AGK: variants seen among roughly 807,000 people sequenced by gnomAD.
The protein encoded by AGK is acylglycerol kinase, mitochondrial.
AGK carries 52 observed loss-of-function variants against 66.4 expected under a neutral mutation model. The observed-to-expected ratio is 0.78, with a 90% CI of 0.63 to 0.99. AGK has a LOEUF of 0.99. Among genes scored for constraint, AGK ranks in the 50% least tolerant of loss-of-function variants. The pLI is 0.00. For synonymous variants in AGK, 182 were observed against 181.1 expected, an observed-to-expected ratio of 1.00 and a Z score of -0.04; for missense variants, 451 against 506.6, an observed-to-expected ratio of 0.89 and a Z score of 1.05.
chr7:141,643,972 C>G (rs1797347765), intron 13 of AGK, among the ~76,000 whole-genome samples: 1 of 151,942 alleles, frequency 6.6e-6, no homozygotes, highest in African/African-American at 2.4e-5. Flanking sequence ...ACCTTCTGCC[C>G]TATTAACTGT....
intron 5 of AGK, among the ~76,000 whole-genome samples, chr7:141,607,826 G>A (rs1197516422): frequency 2.0e-5 from 3 of 151,858 alleles, no homozygotes; most frequent in Non-Finnish European, 2.9e-5. Flanking sequence ...TTTTTTCTGG[G>A]AGGGGGCAAC....
chr7:141,561,488 AT>A (rs1246027359), intron 2 of AGK, among the ~76,000 whole-genome samples: 1 of 144,948 alleles, frequency 6.9e-6, no homozygotes, highest in East Asian at 2.0e-4. Flanking sequence ...GTATCTCATT[AT>A]TTTTTTTAAT....
In AGK at chr7:141,641,349, C is replaced by T. The variant is rs1271682464; in HGVS notation, c.828C>T (p.Tyr276=). ...EETPVQRPSL[Y]RRILRRLASY... is the part of the protein sequence containing the mutation. Reference sequence around the variant, plus strand: ...CCCCTGTACAAAGGCCTTCTTTGTACAGGAGAATATTACGAAGGCTTGCGT... The same window carrying T: ...CCCCTGTACAAAGGCCTTCTTTGTATAGGAGAATATTACGAAGGCTTGCGT... Residue 276 remains tyrosine, a synonymous_variant, in exon 12 of 16, where the codon TAC becomes TAT. Transcript: ENST00000649286. 1.2e-6 allele frequency: 2 copies of T among 1,613,796 alleles called. No individual in the cohort carries two copies. Among genetic ancestry groups the T allele is most frequent in the Non-Finnish European group, 1.7e-6 (2 of 1,179,886 alleles).
intron 8 of AGK, 103 bp from the exon 9 acceptor site, chr7:141,621,629 A>G: frequency 1.3e-6 from 1 of 764,264 alleles, no homozygotes; most frequent in Non-Finnish European, 2.3e-6. Context: ...AGAATGAGAG[A>G]GAATATGTGT....
chr7:141,592,210 A>G (rs1049680919), intron 2 of AGK, among the ~76,000 whole-genome samples: 33 of 152,192 alleles, frequency 2.2e-4, no homozygotes, highest in African/African-American at 7.5e-4. Context: ...TGTGAATTAG[A>G]GGCCCAAAGC....
chr7:141,588,203 GA>G (rs954488176), intron 2 of AGK, among the ~76,000 whole-genome samples: 1 of 152,176 alleles, frequency 6.6e-6, no homozygotes, highest in African/African-American at 2.4e-5. Flanking sequence ...AAGTTTAGAA[GA>G]AAAAGCATCT....
intron 5 of AGK, among the ~76,000 whole-genome samples, chr7:141,610,497 A>G (rs1053200747): frequency 6.6e-6 from 1 of 152,190 alleles, no homozygotes; most frequent in Non-Finnish European, 1.5e-5. Context: ...CTGAAATCAA[A>G]TGGTATCAAT....
At chr7:141,554,001 TAA>T (rs2116841118) in intron 1 of AGK, among the ~76,000 whole-genome samples, 1 of 152,206 alleles carries the variant, frequency 6.6e-6, no homozygotes, top group Non-Finnish European at 1.5e-5. Flanking sequence ...ATTTTAAAAA[TAA>T]ACATCACCCA....
intron 6 of AGK, among the ~76,000 whole-genome samples, chr7:141,612,428 AT>A (rs964709274): frequency 1.3e-5 from 2 of 152,188 alleles, no homozygotes; most frequent in Non-Finnish European, 2.9e-5. Context: ...TTTAACACAA[AT>A]TTTTTGTGTG....
rs1441473071 is a variant in AGK at position 141,651,531 on chromosome 7, A to C, written c.1053A>C (p.Arg351=). 8 of 1,614,200 alleles carry C rather than the reference A, an allele frequency of 5.0e-6. No homozygotes were observed. Among genetic ancestry groups the C allele is most frequent in the Non-Finnish European group, 5.9e-6 (7 of 1,180,018 alleles). ...SKGDFITIGS[R]KVRNPKLHVE... The stretch of plus-strand genomic sequence containing the variant: ...CTTTTTCCTGTGCTCACAGAAGTCG[A>C]AAGGTGAGAAACCCCAAGCTGCACG... The change falls in exon 15 of 16, where the codon CGA becomes CGC. Residue 351 remains arginine, a synonymous_variant. Transcript: ENST00000649286.
chr7:141,631,467 C>T (rs1342558273), intron 9 of AGK, among the ~76,000 whole-genome samples: 1 of 152,210 alleles, frequency 6.6e-6, no homozygotes, highest in Non-Finnish European at 1.5e-5. Flanking sequence ...TAAATGATCA[C>T]TTATACTTTG....
At chr7:141,603,087 C>T (rs890692614) in intron 5 of AGK, among the ~76,000 whole-genome samples, 1 of 152,000 alleles carries the variant, frequency 6.6e-6, no homozygotes, top group Non-Finnish European at 1.5e-5. Context: ...GTATCTATGC[C>T]TAAAAATAGT....
chr7:141,652,736 C>T, intron 15 of AGK, 51 bp from the exon 16 acceptor site: 2 of 1,595,880 alleles, frequency 1.3e-6, no homozygotes, highest in Non-Finnish European at 8.6e-7. Context: ...CCTCCAACTC[C>T]AGTAGGCCAC....
At chr7:141,623,968 G>A (rs942913170) in intron 9 of AGK, among the ~76,000 whole-genome samples, 3 of 151,854 alleles carry the variant, frequency 2.0e-5, no homozygotes, top group Non-Finnish European at 4.4e-5. Context: ...TACTCTGCTT[G>A]TGCTGTATAA....
chr7:141,562,145 G>A (rs1490516833), intron 2 of AGK: 4 of 454,934 alleles, frequency 8.8e-6, no homozygotes, highest in African/African-American at 4.0e-5. Flanking sequence ...TGCTGGTTAT[G>A]CAAGCGGTGA....
chr7:141,555,381 G>C lies in AGK; in HGVS notation c.-14-72G>C. On this transcript the variant is annotated intron_variant, in intron 1 of 15. Transcript: ENST00000649286. The surrounding 1 kb of genome is among the most constrained non-coding windows in gnomAD (Gnocchi z 4.2). ...AGAGAGGATAAAAGAATGGAAGACAGAGTAATAGGGACATTACATGAAGAC... is the reference window on the plus strand; with the variant it reads ...AGAGAGGATAAAAGAATGGAAGACACAGTAATAGGGACATTACATGAAGAC... 1 of 995,296 alleles carries C rather than the reference G, an allele frequency of 1.0e-6. No individual in the cohort carries two copies. The highest frequency in any genetic ancestry group is 1.5e-6 in the Non-Finnish European group (1 of 669,214). The allele number at this position is 995,296 out of a possible 1,614,324, so 61.7% of individuals were successfully genotyped here.
chr7:141,591,227 G>A (rs1356368646), intron 2 of AGK, among the ~76,000 whole-genome samples: 2 of 151,498 alleles, frequency 1.3e-5, no homozygotes, highest in East Asian at 1.9e-4. Context: ...CGAGTAGTTG[G>A]GATTACAGGC....
chr7:141,598,664 T>G lies in AGK; in HGVS notation c.221+2023T>G, dbSNP rs574221092. Among the ~76,000 whole-genome samples, 10 of 152,322 alleles carry G rather than the reference T, an allele frequency of 6.6e-5. No homozygotes were observed. The East Asian group carries it at 1.9e-3, about 29-fold the overall frequency. On this transcript the variant is annotated intron_variant, in intron 4 of 15. Transcript: ENST00000649286. The surrounding 1 kb of genome is among the most constrained non-coding windows in gnomAD (Gnocchi z 4.2). ...TGTAAGAAATATAAACTGCTGAAATTGTTACTCTTGACTATGGGTTAGGTT... is the reference window on the plus strand; with the variant it reads ...TGTAAGAAATATAAACTGCTGAAATGGTTACTCTTGACTATGGGTTAGGTT...
intron 10 of AGK, among the ~76,000 whole-genome samples, chr7:141,634,492 C>G (rs1020125896): frequency 6.6e-6 from 1 of 152,214 alleles, no homozygotes; most frequent in Non-Finnish European, 1.5e-5. Context: ...ATGGGAGAAA[C>G]AGGCCTATCG....
Sources: allele counts gnomAD v4.1 joint callset (sites outside exome capture counted in the v4.1 genomes callset), GRCh38; gene constraint gnomAD v4.1.1; non-coding constraint Gnocchi (gnomAD v3.1); transcripts MANE v1.5; gene names NCBI Gene and HGNC (gene_info 2026-07-23, HGNC 2026-07-21).